Variants in TCF12 observed in about 807,000 individuals in gnomAD.
TCF12 encodes DNA-binding protein HTF4.
A neutral mutation model predicts 86.0 loss-of-function variants in TCF12; 45 were observed. The ratio of observed to expected loss-of-function variants is 0.52; its 90% CI spans 0.41 to 0.67. TCF12 has a LOEUF of 0.67. Ranked by LOEUF, TCF12 falls within the 30% of genes least tolerant of loss-of-function variation. The pLI, the probability that TCF12 is intolerant of heterozygous loss-of-function variation, is 0.00. For synonymous variants in TCF12, 330 were observed against 299.6 expected (o/e 1.10, Z -1.05); for missense variants, 881 against 859.9 (o/e 1.02, Z -0.31).
chr15:57,070,390 T>C (rs1183046225), intron 4 of TCF12, among the ~76,000 whole-genome samples: 1 of 152,064 alleles, frequency 6.6e-6, no homozygotes, highest in Admixed American at 6.6e-5. Flanking sequence ...AAAATGAAAA[T>C]ATGTGGGTAC....
chr15:57,166,388 T>G lies in TCF12; in HGVS notation c.326-14T>G, dbSNP rs756315774. On this transcript the variant is annotated splice_polypyrimidine_tract_variant and intron_variant, in intron 5 of 20. Coordinates refer to ENST00000333725, the MANE Select transcript of TCF12 (RefSeq NM_207037.2). The stretch of plus-strand genomic sequence containing the variant: ...TGAAGGGTTTTATATAAAGTTAATT[T>G]CTTTGTTTTATAGGAAAAACATCAG... 6 of 1,608,382 alleles carry G rather than the reference T, an allele frequency of 3.7e-6. No individual in the cohort carries two copies. The East Asian group carries it at 1.3e-4, about 36-fold the overall frequency.
intron 5 of TCF12, among the ~76,000 whole-genome samples, chr15:57,165,951 T>C (rs1226584110): frequency 1.3e-5 from 2 of 152,200 alleles, no homozygotes; most frequent in African/African-American, 4.8e-5. Context: ...TATATAAATG[T>C]CTTTCATTCT....
At chr15:57,075,796 TTCTTTCTTTCTC>T (rs1281929819) in intron 4 of TCF12, among the ~76,000 whole-genome samples, 1 of 26,076 alleles carries the variant, frequency 3.8e-5, no homozygotes, top group South Asian at 2.0e-3. Flanking sequence ...CTTTCTTTCT[TTCTTTCTTTCTC>T]TCTCTCTCTC....
In TCF12 at chr15:56,960,430, ATT is replaced by A. The variant is rs5812861; in HGVS notation, c.148+39348_148+39349del. Among the ~76,000 whole-genome samples the A allele has an allele frequency of 1.5e-3, 193 of 128,554 alleles. 1 individual carries two copies. The highest frequency in any genetic ancestry group is 4.2e-3 in the Middle Eastern group (1 of 238). 84.3% of individuals were successfully genotyped at this position (128,554 alleles called of 152,430 possible). ...TGTTGACCCAAGGCTACTGTATTGT[ATT>A]TTTTTTTTTTTTTTTGAGATGGAGT... On this transcript the variant is annotated intron_variant, in intron 3 of 20. Transcript: ENST00000333725.
chr15:56,952,700 A>G (rs1373559012), intron 3 of TCF12, among the ~76,000 whole-genome samples: 5 of 152,178 alleles, frequency 3.3e-5, no homozygotes, highest in African/African-American at 7.2e-5. Context: ...TAGAAATACA[A>G]TTTTATATAG....
chr15:57,051,899 C>G (rs938915941), intron 3 of TCF12, among the ~76,000 whole-genome samples: 4 of 152,162 alleles, frequency 2.6e-5, no homozygotes, highest in African/African-American at 9.7e-5. Context: ...AGAGACTATC[C>G]TTTCCCTATT....
At chr15:57,279,983 TC>T (rs1408710415) in intron 19 of TCF12, among the ~76,000 whole-genome samples, 17 of 148,742 alleles carry the variant, frequency 1.1e-4, no homozygotes, top group African/African-American at 4.2e-4. Context: ...AGACTCCGTC[TC>T]CCCAGTTCAA....
At chr15:57,095,708 G>C (rs1196653500) in intron 5 of TCF12, among the ~76,000 whole-genome samples, 3 of 152,104 alleles carry the variant, frequency 2.0e-5, no homozygotes, top group Admixed American at 6.6e-5. Context: ...GGTGGTACAG[G>C]GGGAAATTGC....
intron 5 of TCF12, among the ~76,000 whole-genome samples, chr15:57,151,171 G>C (rs1475193899): frequency 6.9e-6 from 1 of 144,164 alleles, no homozygotes; most frequent in Non-Finnish European, 1.5e-5. Context: ...TTTAGAGACA[G>C]GGTCTTACTA....
chr15:57,020,818 C>T (rs749810740), intron 3 of TCF12, among the ~76,000 whole-genome samples: 6 of 152,042 alleles, frequency 3.9e-5, no homozygotes, highest in Non-Finnish European at 8.8e-5. Flanking sequence ...GGGAAGACTT[C>T]ATGGAAGAGC....
intron 3 of TCF12, among the ~76,000 whole-genome samples, chr15:56,978,055 A>G (rs2062702037): frequency 6.6e-6 from 1 of 152,256 alleles, no homozygotes. Flanking sequence ...TCTTCGATGC[A>G]TGAAGAAGCT....
intron 5 of TCF12, among the ~76,000 whole-genome samples, chr15:57,126,145 A>G (rs1320581934): frequency 2.6e-5 from 4 of 152,290 alleles, no homozygotes; most frequent in African/African-American, 9.6e-5. Context: ...GGAGGCTGAG[A>G]TGAGAGGATC....
chr15:56,958,575 A>G (rs1427284172), intron 3 of TCF12, among the ~76,000 whole-genome samples: 2 of 152,164 alleles, frequency 1.3e-5, no homozygotes, highest in African/African-American at 4.8e-5. Context: ...TGGAGAGTAC[A>G]AATATAGAAC....
At chr15:57,061,660 T>A (rs1398726367) in intron 3 of TCF12, among the ~76,000 whole-genome samples, 4 of 152,186 alleles carry the variant, frequency 2.6e-5, no homozygotes, top group Admixed American at 6.5e-5. Context: ...TCATTTGATA[T>A]AAGAAAATAT....
At chr15:57,061,524 G>A (rs1337809940) in intron 3 of TCF12, among the ~76,000 whole-genome samples, 2 of 152,192 alleles carry the variant, frequency 1.3e-5, no homozygotes, top group Non-Finnish European at 1.5e-5. Flanking sequence ...GATCACTTGA[G>A]CCCAGGATTT....
At chr15:57,015,534 A>G (rs539474013) in intron 3 of TCF12, among the ~76,000 whole-genome samples, 1 of 152,222 alleles carries the variant, frequency 6.6e-6, no homozygotes, top group East Asian at 1.9e-4. Flanking sequence ...TGTTGTGTGG[A>G]CAAACAGGAG....
chr15:56,986,474 C>G (rs1219254031), intron 3 of TCF12, among the ~76,000 whole-genome samples: 4 of 152,098 alleles, frequency 2.6e-5, no homozygotes, highest in Non-Finnish European at 5.9e-5. Context: ...TACAGTATGT[C>G]CTGTTGTAAG....
chr15:57,125,300 C>G (rs1203068773), intron 5 of TCF12, among the ~76,000 whole-genome samples: 1 of 152,228 alleles, frequency 6.6e-6, no homozygotes, highest in Non-Finnish European at 1.5e-5. Flanking sequence ...AAAATGTTGA[C>G]TAAAGACTTT....
chr15:57,046,196 A>C (rs1231414694), intron 3 of TCF12, among the ~76,000 whole-genome samples: 1 of 152,218 alleles, frequency 6.6e-6, no homozygotes, highest in Non-Finnish European at 1.5e-5. Flanking sequence ...CCCACATTTA[A>C]CAGAGGAAGA....
Sources: gnomAD v4.1 joint callset for allele counts (sites outside exome capture counted in the v4.1 genomes callset) on GRCh38, gnomAD v4.1.1 for gene constraint, MANE v1.5 for transcripts, NCBI Gene and HGNC (gene_info 2026-07-23, HGNC 2026-07-21) for gene names.